BAIAP2L1: variants seen among roughly 807,000 people sequenced by gnomAD.
BAIAP2L1 encodes BAR/IMD domain containing adaptor protein 2 like 1.
BAIAP2L1 carries 35 observed loss-of-function variants against 66.3 expected under a neutral mutation model. The ratio of observed to expected loss-of-function variants is 0.53; its 90% CI spans 0.40 to 0.70. The LOEUF (loss-of-function observed/expected upper bound fraction) is 0.70. BAIAP2L1 is among the 30% of genes least tolerant of loss of function. BAIAP2L1 has a pLI of 0.00. For synonymous variants in BAIAP2L1, 269 were observed against 248.7 expected, an observed-to-expected ratio of 1.08 and a Z score of -0.77; for missense variants, 622 against 656.9, an observed-to-expected ratio of 0.95 and a Z score of 0.58.
chr7:98,361,933 T>A (rs981028695), intron 2 of BAIAP2L1, among the ~76,000 whole-genome samples: 2 of 152,004 alleles, frequency 1.3e-5, no homozygotes, highest in African/African-American at 4.8e-5. Flanking sequence ...TTGTTTCTCA[T>A]GTAACTATCA....
At position 98,315,621 on chromosome 7, in the gene BAIAP2L1, A is replaced by AT. The variant is rs201588264; in HGVS notation, c.487-10_487-9insA. The AT allele has an allele frequency of 0.41, 501,885 of 1,225,738 alleles. 118,814 individuals carry two copies. Among genetic ancestry groups the AT allele is most frequent in the Middle Eastern group, 0.48 (1,764 of 3,640 alleles). 75.9% of individuals were successfully genotyped at this position (1,225,738 alleles called of 1,614,324 possible). A position where few individuals can be genotyped will look rare whatever the true frequency, so the allele number is the denominator to read the frequency against. On this transcript the variant is annotated splice_polypyrimidine_tract_variant and intron_variant, in intron 6 of 13. Coordinates refer to ENST00000005260, the MANE Select transcript of BAIAP2L1 (RefSeq NM_018842.5). ...GTAACGGTCTCCACATACTAAAAAA[A>AT]AAAAAATAATAATAATAATAATTAT... is the stretch of plus-strand genomic sequence containing the variant.
intron 3 of BAIAP2L1, among the ~76,000 whole-genome samples, chr7:98,328,016 T>C (rs1323776319): frequency 1.3e-5 from 2 of 150,738 alleles, no homozygotes; most frequent in Non-Finnish European, 2.9e-5. Flanking sequence ...AACCCGAACA[T>C]TGTTTTTTTT....
chr7:98,302,956 TTA>T (rs985932542), intron 12 of BAIAP2L1, among the ~76,000 whole-genome samples: 2 of 152,230 alleles, frequency 1.3e-5, no homozygotes, highest in African/African-American at 4.8e-5. Flanking sequence ...GGCTAATTTT[TTA>T]TATTTTTTGT....
intron 12 of BAIAP2L1, among the ~76,000 whole-genome samples, chr7:98,300,263 CCCCTGCT>C (rs1429816865): frequency 4.4e-4 from 3 of 6,778 alleles, no homozygotes; most frequent in East Asian, 5.9e-3. Context: ...ACAGCCATTC[CCCCTGCT>C]CCCTGCTCCC....
chr7:98,345,037 G>T (rs1285751750), intron 3 of BAIAP2L1, among the ~76,000 whole-genome samples: 3 of 152,178 alleles, frequency 2.0e-5, no homozygotes, highest in Non-Finnish European at 4.4e-5. Context: ...GATTTCCAAT[G>T]GCAAAACTTT....
intron 11 of BAIAP2L1, among the ~76,000 whole-genome samples, chr7:98,304,889 G>C (rs1439915266): frequency 1.3e-5 from 2 of 149,274 alleles, no homozygotes; most frequent in Admixed American, 1.3e-4. Flanking sequence ...TTTTGAGATG[G>C]GGTTTCCCTC....
chr7:98,326,479 TTAAC>T (rs1801384136), intron 3 of BAIAP2L1, among the ~76,000 whole-genome samples: 1 of 152,140 alleles, frequency 6.6e-6, no homozygotes. Context: ...ACTAACTAAC[TTAAC>T]TAACTAGCGG....
Position 98,400,946 on chromosome 7 carries a change from G to A in BAIAP2L1, c.-94C>T. 1 of 1,284,602 alleles carries A rather than the reference G, an allele frequency of 7.8e-7. No homozygotes were observed. Among genetic ancestry groups the A allele is most frequent in the Non-Finnish European group, 1.0e-6 (1 of 977,360 alleles). 79.6% of individuals were successfully genotyped at this position (1,284,602 alleles called of 1,614,324 possible). The stretch of plus-strand genomic sequence containing the variant: ...AGCGGGAGGGCCGGGGCGCGACTAA[G>A]GGGCTCTGGAGGGTCGGCCGCCGCC... On this transcript the variant is annotated 5_prime_UTR_variant, in exon 1 of 14. Transcript: ENST00000005260.
chr7:98,396,256 G>T (rs891925960), intron 1 of BAIAP2L1, among the ~76,000 whole-genome samples: 6 of 151,958 alleles, frequency 3.9e-5, no homozygotes, highest in Non-Finnish European at 8.8e-5. Flanking sequence ...CTTTGTAGAG[G>T]TAGGGTCTCA....
chr7:98,307,423 A>G, intron 10 of BAIAP2L1: 1 of 1,303,332 alleles, frequency 7.7e-7, no homozygotes, highest in Non-Finnish European at 9.8e-7. Context: ...AATTTTTTTT[A>G]AAAACAAAAG....
intron 1 of BAIAP2L1, among the ~76,000 whole-genome samples, chr7:98,399,646 A>G (rs953236013): frequency 1.3e-5 from 2 of 152,302 alleles, no homozygotes; most frequent in Middle Eastern, 3.4e-3. Flanking sequence ...CTGAATTAAA[A>G]CAAAAGTTGT....
chr7:98,301,250 C>T (rs1177270253), intron 12 of BAIAP2L1, among the ~76,000 whole-genome samples: 1 of 152,210 alleles, frequency 6.6e-6, no homozygotes, highest in African/African-American at 2.4e-5. Context: ...GCGTCACCTC[C>T]ACCCCTGTGC....
intron 12 of BAIAP2L1, among the ~76,000 whole-genome samples, chr7:98,295,879 TGAG>T (rs1054223530): frequency 6.6e-6 from 1 of 151,788 alleles, no homozygotes; most frequent in Non-Finnish European, 1.5e-5. Flanking sequence ...CCAGGAGGAC[TGAG>T]GAGGAAAAAG....
chr7:98,330,389 G>A (rs559101724), intron 3 of BAIAP2L1, among the ~76,000 whole-genome samples: 2 of 152,208 alleles, frequency 1.3e-5, no homozygotes, highest in East Asian at 3.8e-4. Context: ...CAGGCGTGGT[G>A]GCTCACACCT....
intron 3 of BAIAP2L1, among the ~76,000 whole-genome samples, chr7:98,337,455 T>G (rs1801640636): frequency 6.6e-6 from 1 of 152,250 alleles, no homozygotes; most frequent in African/African-American, 2.4e-5. Flanking sequence ...GGTCTTGAAC[T>G]CCTGATCTCA....
chr7:98,400,042 A>G (rs995062766), intron 1 of BAIAP2L1: 3 of 151,706 alleles, frequency 2.0e-5, no homozygotes, highest in Admixed American at 6.6e-5. Context: ...CTTTTCTTAG[A>G]GGAAACTCGA....
chr7:98,359,751 T>TG (rs1233103895), intron 2 of BAIAP2L1, among the ~76,000 whole-genome samples: 1 of 148,654 alleles, frequency 6.7e-6, no homozygotes, highest in Non-Finnish European at 1.5e-5. Flanking sequence ...CTGGGTTTTT[T>TG]TTTTTTTTTT....
At chr7:98,298,144 C>T (rs1800266528) in intron 12 of BAIAP2L1, among the ~76,000 whole-genome samples, 1 of 152,240 alleles carries the variant, frequency 6.6e-6, no homozygotes, top group Non-Finnish European at 1.5e-5. Flanking sequence ...CCCCTGCCCC[C>T]TTGGGAGAAG....
intron 2 of BAIAP2L1, among the ~76,000 whole-genome samples, chr7:98,357,956 G>A (rs1562783354): frequency 6.6e-6 from 1 of 152,192 alleles, no homozygotes; most frequent in Non-Finnish European, 1.5e-5. Context: ...TAAGAAAGAA[G>A]TGACTCCACC....
Sources: gnomAD v4.1 joint callset for allele counts (sites outside exome capture counted in the v4.1 genomes callset) on GRCh38, gnomAD v4.1.1 for gene constraint, MANE v1.5 for transcripts, NCBI Gene and HGNC (gene_info 2026-07-23, HGNC 2026-07-21) for gene names.